FTCDNL1: variants seen among roughly 807,000 people sequenced by gnomAD.
FTCDNL1 encodes the protein formiminotransferase N-terminal subdomain-containing protein.
Under a neutral mutation model 5.9 loss-of-function variants are expected in FTCDNL1, and 11 were observed. That is an observed-to-expected ratio of 1.87 (90% CI 1.18 to 3.10). FTCDNL1 has a LOEUF of 3.10. FTCDNL1 is among the 30% of genes most tolerant of loss of function. The probability of loss-of-function intolerance (pLI) is 0.00; values close to 1 mark genes in which losing one functional copy is unlikely to be tolerated. For synonymous variants in FTCDNL1, 58 were observed against 24.8 expected (o/e 2.34, Z -3.99); for missense variants, 115 against 65.5 (o/e 1.76, Z -2.61).
At chr2:199,819,981 G>T (rs1523818) in intron 3 of FTCDNL1, among the ~76,000 whole-genome samples, 125,448 of 152,182 alleles carry the variant, frequency 0.82, 51,782 homozygotes, top group South Asian at 0.88. Flanking sequence ...AGCTTAAACA[G>T]AATGAATGCT....
At chr2:199,681,465 A>G in the FTCDNL1 span, among the ~76,000 whole-genome samples, 1 of 152,206 alleles carries the variant, frequency 6.6e-6, no homozygotes, top group Admixed American at 6.5e-5. Flanking sequence ...TCCAAAAGAA[A>G]GAAAAGCCAG....
chr2:199,708,022 T>G, the FTCDNL1 span, among the ~76,000 whole-genome samples: 1 of 152,142 alleles, frequency 6.6e-6, no homozygotes, highest in Non-Finnish European at 1.5e-5. Flanking sequence ...TTATTTTCTG[T>G]GCTTCTCTCC....
the FTCDNL1 span, among the ~76,000 whole-genome samples, chr2:199,733,391 C>T: frequency 0.6 from 90,912 of 152,090 alleles, 30,523 homozygotes; most frequent in Non-Finnish European, 0.75. Context: ...AAGACCTGCC[C>T]AGAAGAGTAG....
At chr2:199,752,897 T>C in the FTCDNL1 span, among the ~76,000 whole-genome samples, 1 of 151,704 alleles carries the variant, frequency 6.6e-6, no homozygotes, top group Admixed American at 6.6e-5. Context: ...TGAAAGTGAT[T>C]GGGGCTTAGC....
chr2:199,695,788 G>T, the FTCDNL1 span, among the ~76,000 whole-genome samples: 1 of 152,222 alleles, frequency 6.6e-6, no homozygotes, highest in East Asian at 1.9e-4. Context: ...GAGTGCAGAA[G>T]GTTTGGTGCA....
chr2:199,707,801 G>A, the FTCDNL1 span, among the ~76,000 whole-genome samples: 1 of 151,936 alleles, frequency 6.6e-6, no homozygotes, highest in East Asian at 1.9e-4. Context: ...GTGAACAGAA[G>A]TCTGCAGTAA....
chr2:199,814,286 T>C (rs1701218647), intron 4 of FTCDNL1, among the ~76,000 whole-genome samples: 1 of 152,194 alleles, frequency 6.6e-6, no homozygotes, highest in Admixed American at 6.5e-5. Flanking sequence ...ATGCAGGACT[T>C]GTCTCCGTGT....
chr2:199,755,665 C>T (rs1057169069), downstream of FTCDNL1, among the ~76,000 whole-genome samples: 9 of 152,088 alleles, frequency 5.9e-5, no homozygotes, highest in African/African-American at 2.2e-4. Context: ...ATCATCGTTA[C>T]GGTCATTCCA....
intron 3 of FTCDNL1, among the ~76,000 whole-genome samples, chr2:199,781,733 C>G (rs908869424): frequency 2.0e-4 from 31 of 151,976 alleles, no homozygotes; most frequent in African/African-American, 7.5e-4. Flanking sequence ...GACAAAATGT[C>G]ACATACCATG....
chr2:199,669,896 C>T, the FTCDNL1 span, among the ~76,000 whole-genome samples: 14 of 151,928 alleles, frequency 9.2e-5, no homozygotes, highest in East Asian at 1.9e-4. Flanking sequence ...ATATAATTTT[C>T]GGGAGTCTTA....
chr2:199,834,294 T>C (rs1408291612), intron 3 of FTCDNL1, among the ~76,000 whole-genome samples: 1 of 152,144 alleles, frequency 6.6e-6, no homozygotes, highest in Non-Finnish European at 1.5e-5. Flanking sequence ...CGCGGACTTC[T>C]AGCCTCCAGG....
chr2:199,710,824 C>T, the FTCDNL1 span, among the ~76,000 whole-genome samples: 1 of 152,256 alleles, frequency 6.6e-6, no homozygotes, highest in East Asian at 1.9e-4. Context: ...AAAATAGTCT[C>T]TTCCTGAGAA....
chr2:199,752,778 G>GTA, the FTCDNL1 span, among the ~76,000 whole-genome samples: 1 of 57,806 alleles, frequency 1.7e-5, no homozygotes, highest in African/African-American at 4.4e-5. Flanking sequence ...GTGTGTGTGT[G>GTA]TGTATGTGTG....
At chr2:199,819,535 A>C (rs1701555068) in intron 4 of FTCDNL1, 37 bp downstream of exon 4, 1 of 684,460 alleles carries the variant, frequency 1.5e-6, no homozygotes, top group Non-Finnish European at 2.6e-6. Context: ...TTAAAAAAAA[A>C]AAAAAAACAG....
the FTCDNL1 span, among the ~76,000 whole-genome samples, chr2:199,733,825 T>C: frequency 6.6e-6 from 1 of 152,350 alleles, no homozygotes; most frequent in East Asian, 1.9e-4. Flanking sequence ...AAATTTAACA[T>C]TTTATGTTTA....
the FTCDNL1 span, among the ~76,000 whole-genome samples, chr2:199,754,107 C>G: frequency 2.6e-5 from 4 of 152,174 alleles, no homozygotes; most frequent in African/African-American, 9.7e-5. Flanking sequence ...GAGAACGCAG[C>G]AGAGACAGCA....
chr2:199,687,247 G>C, the FTCDNL1 span, among the ~76,000 whole-genome samples: 2 of 152,308 alleles, frequency 1.3e-5, no homozygotes, highest in East Asian at 1.9e-4. Context: ...GATCAGGGAA[G>C]TTTGTAGAAT....
At chr2:199,829,682 C>A (rs1474101554) in intron 3 of FTCDNL1, among the ~76,000 whole-genome samples, 1 of 152,106 alleles carries the variant, frequency 6.6e-6, no homozygotes, top group Non-Finnish European at 1.5e-5. Flanking sequence ...ATTCTTTTCC[C>A]TTCTGCTTTT....
the FTCDNL1 span, among the ~76,000 whole-genome samples, chr2:199,712,062 C>T: frequency 6.6e-6 from 1 of 152,064 alleles, no homozygotes; most frequent in South Asian, 2.1e-4. Context: ...TAAAAGTACC[C>T]CTACCTTCAA....
Sources: gnomAD v4.1 joint callset for allele counts (sites outside exome capture counted in the v4.1 genomes callset) on GRCh38, gnomAD v4.1.1 for gene constraint, MANE v1.5 for transcripts, NCBI Gene and HGNC (gene_info 2026-07-23, HGNC 2026-07-21) for gene names.